Variants in PTGER3 observed in about 807,000 individuals in gnomAD.
PTGER3 encodes prostaglandin E receptor 3, also known as prostaglandin E2 receptor EP3 subtype.
PTGER3 carries 22 observed loss-of-function variants against 34.7 expected under a neutral mutation model. The observed-to-expected ratio is 0.63, with a 90% CI of 0.45 to 0.91. The LOEUF is 0.91. PTGER3 is among the 40% of genes least tolerant of loss of function. The probability of loss-of-function intolerance (pLI) is 0.00; values close to 1 mark genes in which losing one functional copy is unlikely to be tolerated. For missense variants in PTGER3, 468 were observed against 519.4 expected (o/e 0.90, Z 0.96); for synonymous variants, 241 against 230.1 (o/e 1.05, Z -0.43).
Position 70,971,841 on chromosome 1 carries a change from T to C in PTGER3, c.1170-108A>G, listed in dbSNP as rs188831041. 1.2e-3 allele frequency: 857 copies of C among 710,850 alleles called. 5 individuals carry two copies. The highest frequency in any genetic ancestry group is 1.4e-3 in the Non-Finnish European group (622 of 442,206). 44.0% of individuals were successfully genotyped at this position (710,850 alleles called of 1,614,324 possible). On this transcript the variant is annotated intron_variant, in intron 3 of 3. Coordinates refer to ENST00000306666, the MANE Select transcript of PTGER3 (RefSeq NM_198719.2). ...AATATAAGTAATAAATTTGTTTGCTTTAAACGTTTAAAACATTCTCTTTTG... is the reference window on the plus strand; with the variant it reads ...AATATAAGTAATAAATTTGTTTGCTCTAAACGTTTAAAACATTCTCTTTTG...
rs189172319 is a variant in PTGER3 at position 70,987,922 on chromosome 1, C to A, written c.1078-13534G>T. Reference sequence around the variant, plus strand: ...AGGCATTAAAAGAAAACTTTGACTCCTCACCAATAAAAATGTTTTATTGTT... The same window carrying A: ...AGGCATTAAAAGAAAACTTTGACTCATCACCAATAAAAATGTTTTATTGTT... On this transcript the variant is annotated intron_variant, in intron 2 of 3. Coordinates refer to ENST00000306666, the MANE Select transcript of PTGER3 (RefSeq NM_198719.2). Among the ~76,000 whole-genome samples the A allele has an allele frequency of 3.3e-5, 5 of 152,284 alleles. No individual in the cohort carries two copies. In the East Asian group the frequency reaches 9.6e-4, roughly 29 times the overall value.
intron 1 of PTGER3, among the ~76,000 whole-genome samples, chr1:71,036,346 A>G (rs1019627548): frequency 1.3e-5 from 2 of 152,132 alleles, no homozygotes; most frequent in Non-Finnish European, 2.9e-5. Context: ...TACAAGCCTT[A>G]AAAGAAAACT....
At chr1:70,953,152 ATCACT>A in intron 3 of PTGER3, 1 of 1,077,150 alleles carries the variant, frequency 9.3e-7, no homozygotes, top group Non-Finnish European at 1.3e-6. Flanking sequence ...ATACAGTATA[ATCACT>A]ATTTATACAA....
intron 4 of PTGER3, among the ~76,000 whole-genome samples, chr1:70,861,160 A>T (rs921742530): frequency 2.0e-5 from 3 of 152,222 alleles, no homozygotes; most frequent in African/African-American, 7.2e-5. Flanking sequence ...CGTATTATAA[A>T]GCAAATATGT....
At chr1:70,953,639 T>C in intron 3 of PTGER3, 7 of 1,406,240 alleles carry the variant, frequency 5.0e-6, no homozygotes, top group Non-Finnish European at 6.6e-6. Context: ...TTCCTTCACA[T>C]TCTTGATAGG....
chr1:70,919,308 A>G (rs1572646623), intron 4 of PTGER3, among the ~76,000 whole-genome samples: 1 of 152,062 alleles, frequency 6.6e-6, no homozygotes, highest in East Asian at 1.9e-4. Context: ...TTCTCTCTGT[A>G]TATTTAGATG....
intron 2 of PTGER3, among the ~76,000 whole-genome samples, chr1:70,963,272 G>A (rs1455686821): frequency 2.0e-5 from 3 of 152,046 alleles, no homozygotes; most frequent in African/African-American, 7.3e-5. Flanking sequence ...CAGGCACACC[G>A]CACAAGCCTT....
At chr1:71,031,075 G>C (rs1420786673) in intron 1 of PTGER3, among the ~76,000 whole-genome samples, 1 of 152,128 alleles carries the variant, frequency 6.6e-6, no homozygotes, top group East Asian at 1.9e-4. Context: ...CTCAAAAATT[G>C]TTGTGAAGAT....
At chr1:70,979,303 TG>T (rs1654018760) in intron 2 of PTGER3, among the ~76,000 whole-genome samples, 1 of 149,272 alleles carries the variant, frequency 6.7e-6, no homozygotes, top group East Asian at 2.0e-4. Flanking sequence ...ATTTTATAGG[TG>T]AAAAAAAAAA....
intron 2 of PTGER3, among the ~76,000 whole-genome samples, chr1:71,005,094 T>C (rs1049443888): frequency 1.3e-5 from 2 of 152,126 alleles, no homozygotes; most frequent in Non-Finnish European, 2.9e-5. Flanking sequence ...ATCAGAGAGG[T>C]ATTGCTGGCA....
intron 1 of PTGER3, among the ~76,000 whole-genome samples, chr1:71,013,453 G>T (rs916490399): frequency 4.0e-5 from 6 of 151,858 alleles, no homozygotes; most frequent in Admixed American, 2.6e-4. Context: ...CTGTAATCCC[G>T]GCACTTTGGG....
chr1:70,893,164 C>A (rs1177551060), intron 4 of PTGER3, among the ~76,000 whole-genome samples: 1 of 152,158 alleles, frequency 6.6e-6, no homozygotes, highest in Non-Finnish European at 1.5e-5. Context: ...AGGTTAGAAG[C>A]TGATAATTTA....
intron 1 of PTGER3, among the ~76,000 whole-genome samples, chr1:71,020,149 T>C (rs1189439593): frequency 6.6e-6 from 1 of 152,154 alleles, no homozygotes; most frequent in Non-Finnish European, 1.5e-5. Flanking sequence ...CTCTCCAATC[T>C]GGTTACAACA....
At chr1:70,996,643 A>T (rs531193697) in intron 2 of PTGER3, among the ~76,000 whole-genome samples, 10 of 118,994 alleles carry the variant, frequency 8.4e-5, no homozygotes, top group African/African-American at 3.3e-4. Flanking sequence ...TTGTATTTTT[A>T]TTTATTTATT....
At chr1:70,979,896 AG>A (rs1377635544) in intron 2 of PTGER3, among the ~76,000 whole-genome samples, 1 of 152,160 alleles carries the variant, frequency 6.6e-6, no homozygotes, top group African/African-American at 2.4e-5. Flanking sequence ...TCATCTTTTA[AG>A]GGGGTTCTGT....
chr1:70,913,430 T>C (rs1451823870), intron 4 of PTGER3, among the ~76,000 whole-genome samples: 1 of 151,864 alleles, frequency 6.6e-6, no homozygotes, highest in Non-Finnish European at 1.5e-5. Flanking sequence ...ATGATGAAGT[T>C]GTCTGTGAAT....
At chr1:70,955,664 C>T (rs905132357) in intron 2 of PTGER3, among the ~76,000 whole-genome samples, 34 of 152,154 alleles carry the variant, frequency 2.2e-4, no homozygotes, top group Admixed American at 1.1e-3. Flanking sequence ...TGCCCTTGTC[C>T]TCTTTCCCCA....
intron 2 of PTGER3, among the ~76,000 whole-genome samples, chr1:70,986,172 A>AC (rs1176717183): frequency 6.6e-6 from 1 of 152,156 alleles, no homozygotes; most frequent in African/African-American, 2.4e-5. Context: ...TATGGTCTAA[A>AC]AAGGGGAGGC....
At chr1:70,896,984 G>C (rs1271362907) in intron 4 of PTGER3, among the ~76,000 whole-genome samples, 1 of 152,134 alleles carries the variant, frequency 6.6e-6, no homozygotes, top group Non-Finnish European at 1.5e-5. Context: ...TCCTTGTATA[G>C]GATGTAAAAG....
Sources: gnomAD v4.1 joint callset for allele counts (sites outside exome capture counted in the v4.1 genomes callset) on GRCh38, gnomAD v4.1.1 for gene constraint, MANE v1.5 for transcripts, NCBI Gene and HGNC (gene_info 2026-07-23, HGNC 2026-07-21) for gene names.